The following ABHD18 variants were observed in gnomAD, a reference collection of about 807,000 sequenced individuals.
The protein encoded by ABHD18 is cardiolipin-specific deacylase, mitochondrial.
A neutral mutation model predicts 65.9 loss-of-function variants in ABHD18; 55 were observed. The observed-to-expected ratio is 0.84, with a 90% confidence interval of 0.67 to 1.05. The LOEUF (loss-of-function observed/expected upper bound fraction) is 1.05. Ranked by LOEUF, ABHD18 falls within the 50% of genes least tolerant of loss-of-function variation. The pLI is 0.00. For missense variants in ABHD18, 533 were observed against 558.5 expected, an observed-to-expected ratio of 0.95 and a Z score of 0.46; for synonymous variants, 181 against 180.2, an observed-to-expected ratio of 1.00 and a Z score of -0.04.
At chr4:128,022,786 C>G (rs1026680900) in intron 10 of ABHD18, among the ~76,000 whole-genome samples, 1 of 86,634 alleles carries the variant, frequency 1.2e-5, no homozygotes, top group Non-Finnish European at 2.3e-5. Context: ...TTTTTTTTTT[C>G]TCTGTCTTGC....
rs777700977 is a variant in ABHD18, at chr4:128,001,785, A to G, written c.279-7135A>G. ...TGTAGGTAACCAGTTATTTCTCTCT[A>G]GAAACTTTTGTGGTCTTTTGTATAT... On this transcript the variant is annotated intron_variant, in intron 4 of 12. Coordinates refer to ENST00000645843, the MANE Select transcript of ABHD18 (RefSeq NM_001358451.3). The G allele has an allele frequency of 1.4e-5, 22 of 1,539,544 alleles. No homozygotes were observed. In the African/African-American group the frequency reaches 2.5e-4, roughly 17 times the overall value.
intron 7 of ABHD18, among the ~76,000 whole-genome samples, chr4:128,015,969 T>C (rs1755412223): frequency 6.7e-6 from 1 of 149,856 alleles, no homozygotes; most frequent in Non-Finnish European, 1.5e-5. Context: ...TTTTTTTTTT[T>C]TGAGATGGAG....
chr4:128,025,857 A>G (rs2149180417), intron 10 of ABHD18, among the ~76,000 whole-genome samples: 1 of 152,304 alleles, frequency 6.6e-6, no homozygotes, highest in East Asian at 1.9e-4. Context: ...GCAAGTTTTT[A>G]TAAGTTTAAG....
intron 4 of ABHD18, among the ~76,000 whole-genome samples, chr4:127,990,321 G>T (rs2149087547): frequency 6.6e-6 from 1 of 152,262 alleles, no homozygotes; most frequent in South Asian, 2.1e-4. Context: ...CCAGTACTTT[G>T]GGAGGCCAAG....
intron 3 of ABHD18, among the ~76,000 whole-genome samples, chr4:127,989,073 G>T (rs1392203868): frequency 6.6e-6 from 1 of 152,196 alleles, no homozygotes; most frequent in African/African-American, 2.4e-5. Flanking sequence ...CAAATATGCA[G>T]TGAAATATTA....
At chr4:127,969,410 G>A (rs1386946632) in intron 1 of ABHD18, among the ~76,000 whole-genome samples, 1 of 151,814 alleles carries the variant, frequency 6.6e-6, no homozygotes, top group Non-Finnish European at 1.5e-5. Context: ...CATGGGTCAG[G>A]CTGGTCTCCA....
At chr4:128,014,066 C>T (rs1755057603) in intron 7 of ABHD18, among the ~76,000 whole-genome samples, 2 of 150,572 alleles carry the variant, frequency 1.3e-5, no homozygotes. Flanking sequence ...TCTCTGCAAC[C>T]TCCGCCTTCT....
In ABHD18 at chr4:127,989,844, A is replaced by G. The variant is rs1226127633; in HGVS notation, c.278+23A>G. ...AAGGTAAGAATTTTTTTGTTCAAAA[A>G]GATGAATACATTATTTATGTTCATT... On this transcript the variant is annotated intron_variant, in intron 4 of 12. Transcript: ENST00000645843. The G allele has an allele frequency of 2.2e-6, 3 of 1,358,330 alleles. No individual in the cohort carries two copies. In the Admixed American group the frequency reaches 6.9e-5, roughly 31 times the overall value. The allele number at this position is 1,358,330 out of a possible 1,614,324, so 84.1% of individuals were successfully genotyped here. A position where few individuals can be genotyped will look rare whatever the true frequency, so the allele number is the denominator to read the frequency against.
intron 1 of ABHD18, among the ~76,000 whole-genome samples, chr4:127,981,894 A>G (rs1749123564): frequency 6.6e-6 from 1 of 152,170 alleles, no homozygotes; most frequent in Admixed American, 6.6e-5. Context: ...TAGCTAGTAA[A>G]TGTTTCTTCT....
chr4:128,030,796 A>C, intron 12 of ABHD18, 124 bp downstream of exon 12: 1 of 1,400,352 alleles, frequency 7.1e-7, no homozygotes, highest in South Asian at 1.8e-5. Flanking sequence ...TTCCCTCCTC[A>C]CCTCCCACAA....
chr4:127,987,810 G>A (rs990025659), intron 3 of ABHD18, among the ~76,000 whole-genome samples: 5 of 151,992 alleles, frequency 3.3e-5, no homozygotes, highest in African/African-American at 1.2e-4. Context: ...TAAAAATTCA[G>A]TTTTATAGAG....
chr4:127,965,867 C>T (rs1279475056), intron 1 of ABHD18: 2 of 152,876 alleles, frequency 1.3e-5, no homozygotes, highest in African/African-American at 4.8e-5. Context: ...GCTCTCTTCT[C>T]TAGCTCGGCT....
chr4:128,011,179 C>T (rs1311847682), intron 6 of ABHD18, among the ~76,000 whole-genome samples: 3 of 146,508 alleles, frequency 2.0e-5, no homozygotes, highest in South Asian at 4.3e-4. Context: ...GACGGACTCT[C>T]GCTGTCGCCC....
chr4:128,028,572 TA>T lies in ABHD18; in HGVS notation c.900del (p.Asp301IlefsTer37). On this transcript the variant is annotated frameshift_variant, in exon 11 of 13. Coordinates refer to ENST00000645843, the MANE Select transcript of ABHD18 (RefSeq NM_001358451.3). LOFTEE classifies it high-confidence loss of function. ...NLNLVSRTLN[L>X]DISNQVVSQK... ...AATCTGGTTTCCAGAACTTTAAATT[TA>T]GATATATCAAACCAAGTTGTATCCC... 1 of 1,613,598 alleles carries T rather than the reference TA, an allele frequency of 6.2e-7. No homozygotes were observed. Among genetic ancestry groups the T allele is most frequent in the Non-Finnish European group, 8.5e-7 (1 of 1,179,666 alleles).
chr4:128,017,364 A>C lies in ABHD18; in HGVS notation c.472A>C (p.Arg158=), dbSNP rs978437048. 9.3e-6 allele frequency: 15 copies of C among 1,611,182 alleles called. No homozygotes were observed. The highest frequency in any genetic ancestry group is 1.2e-5 in the Non-Finnish European group (14 of 1,179,262). Residue 158 remains arginine (R), a splice_region_variant and synonymous_variant, in exon 8 of 13, where the codon AGG becomes CGG. Coordinates refer to ENST00000645843, the MANE Select transcript of ABHD18 (RefSeq NM_001358451.3). The part of the protein sequence containing the change: ...YGCRKPKDQV[R]SSLKNVSDLF... ...TTCTATTTTGTTTTGTGAGGCTAGA[A>C]GGTCCAGCTTAAAAAATGTGTCCGA...
chr4:127,981,355 C>G (rs1318694870), intron 1 of ABHD18, among the ~76,000 whole-genome samples: 2 of 152,118 alleles, frequency 1.3e-5, no homozygotes, highest in African/African-American at 4.8e-5. Context: ...GTTGTTAGCA[C>G]ATTGCCTTGT....
Position 128,020,183 on chromosome 4 carries a change from A to G in ABHD18, c.699+14A>G, listed in dbSNP as rs1756248421. On this transcript the variant is annotated intron_variant, in intron 9 of 12. Coordinates refer to ENST00000645843, the MANE Select transcript of ABHD18 (RefSeq NM_001358451.3). ...GTCTTCACTACGGTAATTTAATTGT[A>G]ATTAATATTAGGTAGCTATATATAA... The G allele has an allele frequency of 2.5e-6, 4 of 1,590,976 alleles. No homozygotes were observed. The South Asian group carries it at 4.5e-5, about 18-fold the overall frequency.
chr4:127,973,900 C>T (rs1365547725), intron 1 of ABHD18, among the ~76,000 whole-genome samples: 1 of 150,694 alleles, frequency 6.6e-6, no homozygotes, highest in African/African-American at 2.4e-5. Context: ...TGCCTTCAAC[C>T]TGAGTAAGCG....
rs1257861501 is a variant in ABHD18 at position 127,984,428 on chromosome 4, T to C, written c.177+5T>C. On this transcript the variant is annotated splice_donor_5th_base_variant and intron_variant, in intron 3 of 12. Coordinates refer to ENST00000645843, the MANE Select transcript of ABHD18 (RefSeq NM_001358451.3). The stretch of plus-strand genomic sequence containing the variant: ...TATCCAGTACACATTGATAAGGTAT[T>C]CAAATGAGAGAAACACAGTTATAGG... 10 of 1,483,714 alleles carry C rather than the reference T, an allele frequency of 6.7e-6. No homozygotes were observed. Among genetic ancestry groups the C allele is most frequent in the Non-Finnish European group, 8.2e-6 (9 of 1,094,038 alleles). 91.9% of individuals were successfully genotyped at this position (1,483,714 alleles called of 1,614,324 possible). A position where few individuals can be genotyped will look rare whatever the true frequency, so the allele number is the denominator to read the frequency against.
Sources: gnomAD v4.1 joint callset for allele counts (sites outside exome capture counted in the v4.1 genomes callset) on GRCh38, gnomAD v4.1.1 for gene constraint, MANE v1.5 for transcripts, NCBI Gene and HGNC (gene_info 2026-07-23, HGNC 2026-07-21) for gene names.